The following DNAH7 variants were observed in gnomAD, a reference collection of about 807,000 sequenced individuals.
DNAH7 encodes dynein axonemal heavy chain 7.
In DNAH7, 397 loss-of-function variants were observed where a neutral mutation model predicts 444.6. The observed-to-expected ratio is 0.89, with a 90% confidence interval of 0.82 to 0.97. The LOEUF (loss-of-function observed/expected upper bound fraction) is 0.97. Among genes scored for constraint, DNAH7 ranks in the 50% least tolerant of loss-of-function variants. The pLI, the probability that DNAH7 is intolerant of heterozygous loss-of-function variation, is 0.00. For synonymous variants in DNAH7, 1,636 were observed against 1,624.4 expected (o/e 1.01, Z -0.17); for missense variants, 4,902 against 4,800.8 (o/e 1.02, Z -0.62).
At chr2:195,753,193 G>A (rs533546855) in intron 63 of DNAH7, among the ~76,000 whole-genome samples, 5 of 152,092 alleles carry the variant, frequency 3.3e-5, no homozygotes, top group African/African-American at 1.2e-4. Flanking sequence ...GTATTGAGTC[G>A]GTGGTGCTAA....
intron 48 of DNAH7, among the ~76,000 whole-genome samples, chr2:195,828,596 A>G (rs1364279136): frequency 3.0e-5 from 3 of 100,396 alleles, no homozygotes; most frequent in Non-Finnish European, 5.8e-5. Flanking sequence ...AAAATAACAT[A>G]TATATATATA....
intron 12 of DNAH7, among the ~76,000 whole-genome samples, chr2:195,989,887 A>G (rs1693184793): frequency 6.6e-6 from 1 of 152,200 alleles, no homozygotes; most frequent in Non-Finnish European, 1.5e-5. Flanking sequence ...AGATGCAAGC[A>G]TTATGCTTAC....
rs140738300 is a variant in DNAH7 at position 195,948,348 on chromosome 2, A to G, written c.3078+8913T>C. ...GTGTTGCCATTGCTTTTGGTGTTTT[A>G]GTCTTGAAGGCTTTGCCCATGCCTG... is the stretch of plus-strand genomic sequence containing the variant. On this transcript the variant is annotated intron_variant, in intron 19 of 64. Coordinates refer to ENST00000312428, the MANE Select transcript of DNAH7 (RefSeq NM_018897.3). 0.019 allele frequency among the ~76,000 whole-genome samples: 2,963 copies of G among 152,178 alleles called. 247 individuals are homozygous for G. In the East Asian group the frequency reaches 0.27, roughly 14 times the overall value.
intron 19 of DNAH7, among the ~76,000 whole-genome samples, chr2:195,956,429 T>C (rs923952999): frequency 3.9e-5 from 6 of 152,122 alleles, no homozygotes; most frequent in Non-Finnish European, 7.4e-5. Flanking sequence ...GGCGGGTGGA[T>C]CACTTGAGGT....
intron 22 of DNAH7, among the ~76,000 whole-genome samples, chr2:195,926,042 A>C (rs1430925579): frequency 6.6e-6 from 1 of 152,164 alleles, no homozygotes; most frequent in African/African-American, 2.4e-5. Flanking sequence ...AGCCTTATCT[A>C]TATAGGGTAG....
At chr2:195,873,285 A>C (rs926537742) in intron 39 of DNAH7, among the ~76,000 whole-genome samples, 1 of 152,226 alleles carries the variant, frequency 6.6e-6, no homozygotes, top group Non-Finnish European at 1.5e-5. Context: ...TATCAAAGTC[A>C]CAGCATAAAC....
intron 14 of DNAH7, 41 bp from the exon 15 acceptor site, chr2:195,984,751 CAATTT>C (rs1184704678): frequency 2.0e-6 from 3 of 1,535,164 alleles, no homozygotes; most frequent in African/African-American, 2.7e-5. Flanking sequence ...ATTTACAGTT[CAATTT>C]AATTCCAAAA....
intron 57 of DNAH7, among the ~76,000 whole-genome samples, chr2:195,788,919 G>T (rs1695748010): frequency 6.6e-6 from 1 of 152,202 alleles, no homozygotes; most frequent in African/African-American, 2.4e-5. Flanking sequence ...GTGTATGTGT[G>T]TACATGTATA....
chr2:195,739,155 T>C (rs1050928792), intron 64 of DNAH7, among the ~76,000 whole-genome samples: 2 of 152,254 alleles, frequency 1.3e-5, no homozygotes, highest in Non-Finnish European at 2.9e-5. Context: ...TGCAAGCTAC[T>C]TAAGAGTTTC....
chr2:195,740,601 GTGTGTGTGTGTGTGTATATATA>G (rs1359871060), intron 64 of DNAH7, among the ~76,000 whole-genome samples, 143 bp downstream of exon 64: 16 of 46,760 alleles, frequency 3.4e-4, no homozygotes, highest in African/African-American at 1.0e-3. Flanking sequence ...GTGTGTGTGT[GTGTGTGTGTGTGTGTATATATA>G]TATATATATA....
At chr2:195,768,787 G>C (rs963408963) in intron 61 of DNAH7, among the ~76,000 whole-genome samples, 1 of 152,032 alleles carries the variant, frequency 6.6e-6, no homozygotes, top group Non-Finnish European at 1.5e-5. Flanking sequence ...GAACTTTTAA[G>C]TTTTAGTAGA....
intron 19 of DNAH7, among the ~76,000 whole-genome samples, chr2:195,951,983 CT>C (rs1690290542): frequency 6.6e-6 from 1 of 152,098 alleles, no homozygotes; most frequent in African/African-American, 2.4e-5. Flanking sequence ...ATGATGCTAG[CT>C]GGTTATTTGG....
intron 12 of DNAH7, chr2:195,994,913 TG>T: frequency 6.0e-6 from 2 of 330,834 alleles, no homozygotes; most frequent in Middle Eastern, 2.0e-3. Context: ...TCAGACAGAC[TG>T]TAGCCCACTG....
At chr2:196,042,847 C>T (rs561072231) in intron 5 of DNAH7, among the ~76,000 whole-genome samples, 10 of 152,238 alleles carry the variant, frequency 6.6e-5, no homozygotes, top group South Asian at 4.1e-4. Flanking sequence ...ACTCAGCTAT[C>T]TGCCCAGCAA....
At chr2:195,853,283 A>C in intron 46 of DNAH7, 60 bp downstream of exon 46, 1 of 1,450,480 alleles carries the variant, frequency 6.9e-7, no homozygotes, top group African/African-American at 1.4e-5. Flanking sequence ...CAAAACCTTG[A>C]AGGGTTATAT....
At chr2:195,858,035 C>G (rs1193959839) in intron 43 of DNAH7, among the ~76,000 whole-genome samples, 1 of 151,964 alleles carries the variant, frequency 6.6e-6, no homozygotes, top group Non-Finnish European at 1.5e-5. Context: ...TATTATAAAA[C>G]ACATTATTAT....
intron 12 of DNAH7, among the ~76,000 whole-genome samples, chr2:195,998,145 ATC>A (rs1693813824): frequency 1.3e-5 from 2 of 152,328 alleles, no homozygotes; most frequent in African/African-American, 4.8e-5. Flanking sequence ...CATGAAAAAC[ATC>A]TCTCTTCCTG....
At chr2:195,767,924 A>G (rs917764906) in intron 61 of DNAH7, among the ~76,000 whole-genome samples, 4 of 151,888 alleles carry the variant, frequency 2.6e-5, no homozygotes, top group African/African-American at 9.6e-5. Context: ...AATCTGTGTC[A>G]GAATAGATTT....
In DNAH7 at chr2:195,995,444, ACTT is replaced by A. The variant is rs1446199231; in HGVS notation, c.1353+5257_1353+5259del. 86 of 418,650 alleles carry A rather than the reference ACTT, an allele frequency of 2.1e-4. 1 individual carries two copies. The highest frequency in any genetic ancestry group is 1.9e-3 in the Middle Eastern group (3 of 1,602). 25.9% of individuals were successfully genotyped at this position (418,650 alleles called of 1,614,324 possible). On this transcript the variant is annotated intron_variant, in intron 12 of 64. Transcript: ENST00000312428. Reference sequence around the variant, plus strand: ...TTTTTGGAGTTTTAGGACTATCTGGACTTCATAGAGCAGCTCTTCTTTTGCCCT... The same window carrying A: ...TTTTTGGAGTTTTAGGACTATCTGGACATAGAGCAGCTCTTCTTTTGCCCT...
Sources: gnomAD v4.1 joint callset for allele counts (sites outside exome capture counted in the v4.1 genomes callset) on GRCh38, gnomAD v4.1.1 for gene constraint, MANE v1.5 for transcripts, NCBI Gene and HGNC (gene_info 2026-07-23, HGNC 2026-07-21) for gene names.